Variants in TBC1D23 observed in about 807,000 individuals in gnomAD.
TBC1D23 encodes the protein HCV non-structural protein 4A-transactivated protein 1.
In TBC1D23, 55 loss-of-function variants were observed where a neutral mutation model predicts 91.4. The observed-to-expected ratio is 0.60, with a 90% CI of 0.48 to 0.75. The LOEUF is 0.75. Ranked by LOEUF, TBC1D23 falls within the 30% of genes least tolerant of loss-of-function variation. TBC1D23 has a pLI of 0.00. For missense variants in TBC1D23, 725 were observed against 836.1 expected (o/e 0.87, Z 1.64); for synonymous variants, 289 against 281.0 (o/e 1.03, Z -0.28).
intron 15 of TBC1D23, among the ~76,000 whole-genome samples, chr3:100,313,640 C>G (rs1203988686): frequency 1.3e-5 from 2 of 152,156 alleles, no homozygotes; most frequent in African/African-American, 4.8e-5. Context: ...TATCTGGTTA[C>G]AGCAAATGCT....
At position 100,295,304 on chromosome 3, in the gene TBC1D23, A is replaced by G; in HGVS notation, c.728A>G (p.Glu243Gly). The change falls in exon 7 of 19, where the codon GAA becomes GGA. Residue 243 changes from glutamate (E) to glycine (G), a missense_variant and splice_region_variant. Transcript: ENST00000394144. ...ATTGATTTGATTCCCTTTTACAGAGAAGTTATTTTAACACAAGAGTCAGAC... is the reference window on the plus strand; with the variant it reads ...ATTGATTTGATTCCCTTTTACAGAGGAGTTATTTTAACACAAGAGTCAGAC... ...LMLIILVNAK[E>G]VILTQESDSK... 1 of 1,610,462 alleles carries G rather than the reference A, an allele frequency of 6.2e-7. No homozygotes were observed. Among genetic ancestry groups the G allele is most frequent in the Non-Finnish European group, 8.5e-7 (1 of 1,178,658 alleles).
chr3:100,261,010 T>A lies in TBC1D23; in HGVS notation c.-9T>A, dbSNP rs1158278121. ...ACTTTTCGGCAAAGTGACGTGGACG[T>A]CAACAGCAATGGCGGAAGGAGAAGA... On this transcript the variant is annotated 5_prime_UTR_variant, in exon 1 of 19. Transcript: ENST00000394144. 2 of 1,613,568 alleles carry A rather than the reference T, an allele frequency of 1.2e-6. No individual in the cohort carries two copies. The highest frequency in any genetic ancestry group is 4.5e-5 in the East Asian group (2 of 44,884).
rs375983292 is a variant in TBC1D23 at position 100,261,012 on chromosome 3, A to C, written c.-7A>C. On this transcript the variant is annotated 5_prime_UTR_variant, in exon 1 of 19. Transcript: ENST00000394144. ...TTTTCGGCAAAGTGACGTGGACGTCAACAGCAATGGCGGAAGGAGAAGATG... is the reference window on the plus strand; with the variant it reads ...TTTTCGGCAAAGTGACGTGGACGTCCACAGCAATGGCGGAAGGAGAAGATG... The C allele has an allele frequency of 5.0e-5, 80 of 1,613,880 alleles. 1 individual carries two copies. The African/African-American group carries it at 9.9e-4, about 20-fold the overall frequency.
At position 100,311,784 on chromosome 3, in the gene TBC1D23, A is replaced by G. The variant is rs190719809; in HGVS notation, c.1554-49A>G. On this transcript the variant is annotated intron_variant, in intron 14 of 18. Transcript: ENST00000394144. ...ATATTTTTTGTTTTAAAGCTGTTGC[A>G]TTTTTTTTATAATCATTTTGTTCTG... is the stretch of plus-strand genomic sequence containing the variant. 5.4e-5 allele frequency: 74 copies of G among 1,365,328 alleles called. 1 individual carries two copies. The Admixed American group carries it at 7.0e-4, about 13-fold the overall frequency. The allele number at this position is 1,365,328 out of a possible 1,614,324, so 84.6% of individuals were successfully genotyped here. A position where few individuals can be genotyped will look rare whatever the true frequency, so the allele number is the denominator to read the frequency against.
At chr3:100,266,746 G>A (rs2067561328) in intron 1 of TBC1D23, among the ~76,000 whole-genome samples, 1 of 152,170 alleles carries the variant, frequency 6.6e-6, no homozygotes, top group South Asian at 2.1e-4. Flanking sequence ...CCCTCTGTAA[G>A]TATAGTGAGC....
At chr3:100,311,908 A>G (rs1256105417) in intron 15 of TBC1D23, 31 bp downstream of exon 15, 1 of 1,482,658 alleles carries the variant, frequency 6.7e-7, no homozygotes, top group Non-Finnish European at 9.1e-7. Context: ...TTTTTCTTGA[A>G]CCATCCTTTT....
At chr3:100,307,821 T>A (rs1705540056) in intron 13 of TBC1D23, among the ~76,000 whole-genome samples, 1 of 152,240 alleles carries the variant, frequency 6.6e-6, no homozygotes, top group Non-Finnish European at 1.5e-5. Context: ...TTTCCAGTTT[T>A]TTTCTGTTAC....
rs113866238 is a variant in TBC1D23, at chr3:100,303,686, G to A, written c.1264-1160G>A. Reference sequence around the variant, plus strand: ...CTTGGGAGGCTGAGGCAGGAGAATCGCATGAGCTGGGAGATTGAGGCTGCA... The same window carrying A: ...CTTGGGAGGCTGAGGCAGGAGAATCACATGAGCTGGGAGATTGAGGCTGCA... On this transcript the variant is annotated intron_variant, in intron 11 of 18. Transcript: ENST00000394144. 8.9e-4 allele frequency among the ~76,000 whole-genome samples: 136 copies of A among 152,222 alleles called. 1 individual carries two copies. Among genetic ancestry groups the A allele is most frequent in the African/African-American group, 3.1e-3 (129 of 41,558 alleles).
At chr3:100,310,980 CCTT>C (rs1705615338) in intron 14 of TBC1D23, among the ~76,000 whole-genome samples, 1 of 152,278 alleles carries the variant, frequency 6.6e-6, no homozygotes, top group Non-Finnish European at 1.5e-5. Context: ...TAAGATCAGA[CCTT>C]CATAGAATTT....
intron 10 of TBC1D23, among the ~76,000 whole-genome samples, chr3:100,301,554 T>TG (rs1218524262): frequency 3.3e-5 from 5 of 152,230 alleles, no homozygotes; most frequent in Admixed American, 2.0e-4. Context: ...TAAACATCTT[T>TG]GTAGTTATTG....
intron 16 of TBC1D23, among the ~76,000 whole-genome samples, chr3:100,318,669 T>C (rs1705797799): frequency 6.6e-6 from 1 of 151,912 alleles, no homozygotes; most frequent in South Asian, 2.1e-4. Flanking sequence ...TTTCTTTTTT[T>C]TGAGACAGTC....
intron 17 of TBC1D23, 135 bp downstream of exon 17, chr3:100,319,339 G>T: frequency 1.4e-6 from 1 of 719,280 alleles, no homozygotes; most frequent in Non-Finnish European, 2.2e-6. Context: ...TTGTATTACA[G>T]GTCTTGAATT....
chr3:100,298,479 A>G (rs1217940139), intron 9 of TBC1D23, among the ~76,000 whole-genome samples: 1 of 152,208 alleles, frequency 6.6e-6, no homozygotes, highest in Non-Finnish European at 1.5e-5. Context: ...AAAATCTAAT[A>G]AGTCAATTTG....
rs561056659 is a variant in TBC1D23 at position 100,308,161 on chromosome 3, T to A, written c.1413+1618T>A. On this transcript the variant is annotated intron_variant, in intron 13 of 18. Transcript: ENST00000394144. ...GGAAATAGAAACATAATTTTTTTTG[T>A]TGTTAATGACATTTCTTCTAAAAAT... is the stretch of plus-strand genomic sequence containing the variant. Among the ~76,000 whole-genome samples the A allele has an allele frequency of 7.2e-5, 11 of 152,312 alleles. No individual in the cohort carries two copies. In the East Asian group the frequency reaches 2.1e-3, roughly 29 times the overall value.
At chr3:100,291,885 C>G (rs2067794461) in intron 5 of TBC1D23, among the ~76,000 whole-genome samples, 1 of 150,662 alleles carries the variant, frequency 6.6e-6, no homozygotes, top group African/African-American at 2.4e-5. Context: ...TCTGCCTCAG[C>G]CTCCCAAGTA....
At chr3:100,292,189 AC>A (rs2067797546) in intron 5 of TBC1D23, among the ~76,000 whole-genome samples, 1 of 152,174 alleles carries the variant, frequency 6.6e-6, no homozygotes, top group South Asian at 2.1e-4. Context: ...AATAGTTTTG[AC>A]CTTACAGATC....
intron 15 of TBC1D23, among the ~76,000 whole-genome samples, chr3:100,313,036 T>C (rs1465777138): frequency 6.6e-6 from 1 of 151,254 alleles, no homozygotes; most frequent in Non-Finnish European, 1.5e-5. Flanking sequence ...AATAATATAA[T>C]AATAATAGTT....
chr3:100,278,873 T>C (rs1315122241), intron 1 of TBC1D23, among the ~76,000 whole-genome samples: 1 of 152,260 alleles, frequency 6.6e-6, no homozygotes, highest in Non-Finnish European at 1.5e-5. Context: ...TGCTTTAATA[T>C]ACCAATAGAT....
intron 11 of TBC1D23, 87 bp from the exon 12 acceptor site, chr3:100,304,759 T>C: frequency 1.4e-6 from 1 of 722,770 alleles, no homozygotes; most frequent in South Asian, 1.5e-5. Context: ...TATCACTTGG[T>C]ATTGTATTTA....
Sources: gnomAD v4.1 joint callset for allele counts (sites outside exome capture counted in the v4.1 genomes callset) on GRCh38, gnomAD v4.1.1 for gene constraint, MANE v1.5 for transcripts, NCBI Gene and HGNC (gene_info 2026-07-23, HGNC 2026-07-21) for gene names.